Variants in ALDH4A1 observed in about 807,000 individuals in gnomAD.
The protein encoded by ALDH4A1 is delta-1-pyrroline-5-carboxylate dehydrogenase, mitochondrial.
ALDH4A1 carries 46 observed loss-of-function variants against 70.5 expected under a neutral mutation model. That is an observed-to-expected ratio of 0.65 (90% CI 0.51 to 0.83). The LOEUF (loss-of-function observed/expected upper bound fraction) is 0.83. Among genes scored for constraint, ALDH4A1 ranks in the 40% least tolerant of loss-of-function variants. The pLI is 0.00. For synonymous variants in ALDH4A1, 323 were observed against 324.3 expected, an observed-to-expected ratio of 1.00 and a Z score of 0.04; for missense variants, 749 against 766.5, an observed-to-expected ratio of 0.98 and a Z score of 0.27.
intron 3 of ALDH4A1, among the ~76,000 whole-genome samples, chr1:18,888,971 GC>G (rs1378711388): frequency 2.6e-5 from 4 of 152,244 alleles, no homozygotes; most frequent in African/African-American, 9.6e-5. Context: ...CACGTAAAGT[GC>G]ATGCCAGTTT....
intron 14 of ALDH4A1, among the ~76,000 whole-genome samples, chr1:18,873,691 G>A (rs28665699): frequency 0.024 from 3,621 of 152,290 alleles, 73 homozygotes; most frequent in Admixed American, 0.043. Flanking sequence ...TGCCCCTGCC[G>A]GGGACCCTTC....
chr1:18,874,758 C>A (rs1934599190), intron 13 of ALDH4A1, among the ~76,000 whole-genome samples, 177 bp from the exon 14 acceptor site: 1 of 152,220 alleles, frequency 6.6e-6, no homozygotes, highest in Non-Finnish European at 1.5e-5. Context: ...GTTACCCAGT[C>A]TCTGAGCCCA....
At chr1:18,879,177 G>A in intron 9 of ALDH4A1, 123 bp downstream of exon 9, 2 of 943,998 alleles carry the variant, frequency 2.1e-6, no homozygotes, top group South Asian at 3.0e-5. Flanking sequence ...GGCAGTGCTG[G>A]TGCCTGAAAT....
At chr1:18,892,199 A>G (rs1366121883) in intron 1 of ALDH4A1, among the ~76,000 whole-genome samples, 2 of 152,164 alleles carry the variant, frequency 1.3e-5, no homozygotes, top group Non-Finnish European at 2.9e-5. Context: ...TCAAAGACCC[A>G]GCCTGGGAAG....
At chr1:18,874,613 C>T in intron 13 of ALDH4A1, 32 bp from the exon 14 acceptor site, 1 of 1,604,300 alleles carries the variant, frequency 6.2e-7, no homozygotes. Flanking sequence ...ACAGAGCAAC[C>T]AGCTCATCTC....
At chr1:18,879,488 G>A (rs559408099) in intron 8 of ALDH4A1, 115 bp from the exon 9 acceptor site, 115 of 890,752 alleles carry the variant, frequency 1.3e-4, no homozygotes, top group Admixed American at 1.0e-4. Context: ...GAGCCAAGTC[G>A]GGGATGGCGG....
chr1:18,879,658 C>T (rs979445591), intron 8 of ALDH4A1, among the ~76,000 whole-genome samples: 2 of 152,172 alleles, frequency 1.3e-5, no homozygotes, highest in African/African-American at 4.8e-5. Flanking sequence ...AATTCTGCAC[C>T]TCATCTGGGA....
intron 13 of ALDH4A1, 101 bp from the exon 14 acceptor site, chr1:18,874,682 G>T: frequency 8.1e-7 from 1 of 1,233,878 alleles, no homozygotes; most frequent in Non-Finnish European, 1.2e-6. Flanking sequence ...GGCTTTCCAG[G>T]TTCAACAGGA....
Position 18,876,407 on chromosome 1 carries a change from G to A in ALDH4A1, c.1246C>T (p.Leu416=). ...GAGTCATCACACTTGCCCCCGGCCA[G>A]GATGGTGAGGCTGGGTGAGGAGCGT... ...HARSSPSLTI[L]AGGKCDDSVG... is the part of the protein sequence containing the mutation. The change falls in exon 12 of 15, where the codon CTG becomes TTG. Residue 416 remains leucine (L), a synonymous_variant. Transcript: ENST00000375341. 6.2e-7 allele frequency: 1 copy of A among 1,613,166 alleles called. No individual in the cohort carries two copies. Among genetic ancestry groups the A allele is most frequent in the Non-Finnish European group, 8.5e-7 (1 of 1,179,750 alleles).
chr1:18,897,565 C>T (rs1009714169), intron 1 of ALDH4A1, among the ~76,000 whole-genome samples: 2 of 152,148 alleles, frequency 1.3e-5, no homozygotes, highest in African/African-American at 2.4e-5. Flanking sequence ...ACCCAAAAAA[C>T]GAAACACTCT....
In ALDH4A1 at chr1:18,898,805, G is replaced by A. The variant is rs1401671390; in HGVS notation, c.62+3657C>T. 6.6e-6 allele frequency among the ~76,000 whole-genome samples: 1 copy of A among 152,240 alleles called. No individual in the cohort carries two copies. The highest frequency in any genetic ancestry group is 2.4e-5 in the African/African-American group (1 of 41,456). ...ACGCCTACTGTGTGCCGGGCCAGATGCAGGGCACAGGAGGCAGGCTGCTCC... is the reference window on the plus strand; with the variant it reads ...ACGCCTACTGTGTGCCGGGCCAGATACAGGGCACAGGAGGCAGGCTGCTCC... On this transcript the variant is annotated intron_variant, in intron 1 of 14. Transcript: ENST00000375341. The surrounding 1 kb of genome is among the most constrained non-coding windows in gnomAD (Gnocchi z 4.3).
intron 2 of ALDH4A1, 34 bp from the exon 3 acceptor site, chr1:18,889,488 G>A (rs375337465): frequency 4.0e-5 from 61 of 1,520,776 alleles, no homozygotes; most frequent in African/African-American, 2.5e-4. Flanking sequence ...TATGGTCACC[G>A]CCTTCCTCGC....
In ALDH4A1 at chr1:18,872,836, G is replaced by T; in HGVS notation, c.*9C>A. ...GACAGACAGCTGGACGGTGGAGCCC[G>T]AGAGGGGCTCACTGCATGTACGCGT... is the stretch of plus-strand genomic sequence containing the variant. On this transcript the variant is annotated 3_prime_UTR_variant, in exon 15 of 15. Coordinates refer to ENST00000375341, the MANE Select transcript of ALDH4A1 (RefSeq NM_003748.4). 6.2e-7 allele frequency: 1 copy of T among 1,607,508 alleles called. No individual in the cohort carries two copies. Among genetic ancestry groups the T allele is most frequent in the Non-Finnish European group, 8.5e-7 (1 of 1,174,884 alleles).
At chr1:18,873,958 A>T (rs1012438117) in intron 14 of ALDH4A1, among the ~76,000 whole-genome samples, 9 of 152,142 alleles carry the variant, frequency 5.9e-5, no homozygotes, top group Non-Finnish European at 1.3e-4. Context: ...CTGAGTTCTT[A>T]ACCTGTGGGG....
chr1:18,894,865 C>CTTTTTTTTTTTTTTTTTTTTTTTTTTT (rs34445898), intron 1 of ALDH4A1, among the ~76,000 whole-genome samples: 1 of 109,968 alleles, frequency 9.1e-6, no homozygotes, highest in African/African-American at 3.5e-5. Context: ...TTCTTTCTTT[C>CTTTTTTTTTTTTTTTTTTTTTTTTTTT]TTTTTTTTTT....
intron 7 of ALDH4A1, chr1:18,882,700 T>G (rs1028048135): frequency 3.6e-6 from 2 of 555,474 alleles, no homozygotes; most frequent in African/African-American, 3.8e-5. Context: ...TGAGATCATC[T>G]CCATGCCGTG....
At chr1:18,894,865 CTTTT>C (rs34445898) in intron 1 of ALDH4A1, among the ~76,000 whole-genome samples, 14 of 109,916 alleles carry the variant, frequency 1.3e-4, no homozygotes, top group Admixed American at 2.0e-4. Flanking sequence ...TTCTTTCTTT[CTTTT>C]TTTTTTTTTT....
intron 5 of ALDH4A1, among the ~76,000 whole-genome samples, chr1:18,884,578 C>G (rs1427721557): frequency 2.0e-5 from 3 of 152,186 alleles, no homozygotes; most frequent in Non-Finnish European, 4.4e-5. Flanking sequence ...CAGAGAAAAC[C>G]ATTGATCAGG....
chr1:18,890,721 A>T, intron 1 of ALDH4A1: 1 of 985,588 alleles, frequency 1.0e-6, no homozygotes, highest in Non-Finnish European at 1.2e-6. Context: ...AAACACACAG[A>T]TGCAAAACCA....
Sources: allele counts gnomAD v4.1 joint callset (sites outside exome capture counted in the v4.1 genomes callset), GRCh38; gene constraint gnomAD v4.1.1; non-coding constraint Gnocchi (gnomAD v3.1); transcripts MANE v1.5; gene names NCBI Gene and HGNC (gene_info 2026-07-23, HGNC 2026-07-21).